TMC1: variants seen among roughly 807,000 people sequenced by gnomAD.
TMC1 encodes transmembrane channel-like protein 1.
Under a neutral mutation model 105.8 loss-of-function variants are expected in TMC1, and 84 were observed. The observed-to-expected ratio is 0.79, with a 90% confidence interval of 0.67 to 0.95. TMC1 has a LOEUF of 0.95. TMC1 is among the 40% of genes least tolerant of loss of function. The pLI, the probability that TMC1 is intolerant of heterozygous loss-of-function variation, is 0.00. For missense variants in TMC1, 817 were observed against 914.1 expected (o/e 0.89, Z 1.37); for synonymous variants, 315 against 311.5 (o/e 1.01, Z -0.12).
At chr9:72,832,563 C>T (rs1484185788) in intron 23 of TMC1, among the ~76,000 whole-genome samples, 1 of 152,184 alleles carries the variant, frequency 6.6e-6, no homozygotes, top group Non-Finnish European at 1.5e-5. Context: ...GTTTTCCTGA[C>T]ACATGTGAAA....
chr9:72,542,104 A>T (rs866239442), intron 1 of TMC1, among the ~76,000 whole-genome samples: 2 of 152,100 alleles, frequency 1.3e-5, no homozygotes, highest in Non-Finnish European at 2.9e-5. Flanking sequence ...TGGGTGGATC[A>T]CTTGAGGCCA....
At chr9:72,609,578 A>C (rs1824989044) in intron 2 of TMC1, among the ~76,000 whole-genome samples, 2 of 152,138 alleles carry the variant, frequency 1.3e-5, no homozygotes, top group Non-Finnish European at 2.9e-5. Flanking sequence ...CTGGCAATGC[A>C]GGACTTCCTT....
In TMC1 at chr9:72,821,168, TC is replaced by T. The variant is rs1828867021; in HGVS notation, c.2003+93del. On this transcript the variant is annotated intron_variant, in intron 20 of 23. Coordinates refer to ENST00000297784, the MANE Select transcript of TMC1 (RefSeq NM_138691.3). The stretch of plus-strand genomic sequence containing the variant: ...GTCATTCATTGTATAAGCTATTTTT[TC>T]CCCCCAAACAATGACATTTTTGGTT... 7 of 1,589,618 alleles carry T rather than the reference TC, an allele frequency of 4.4e-6. No homozygotes were observed. The South Asian group carries it at 5.5e-5, about 13-fold the overall frequency.
intron 18 of TMC1, among the ~76,000 whole-genome samples, chr9:72,814,491 C>T (rs186296158): frequency 1.8e-4 from 28 of 152,312 alleles, no homozygotes; most frequent in African/African-American, 5.3e-4. Context: ...GGCAAACTAA[C>T]GAAACACTTT....
At chr9:72,820,739 TTCTGC>T in intron 19 of TMC1, 98 bp from the exon 20 acceptor site, 10 of 1,453,876 alleles carry the variant, frequency 6.9e-6, no homozygotes, top group Non-Finnish European at 9.6e-6. Context: ...GCAGTGTATT[TTCTGC>T]CTTTGGAAAA....
intron 18 of TMC1, among the ~76,000 whole-genome samples, chr9:72,807,620 C>T (rs1828627014): frequency 6.6e-6 from 1 of 152,218 alleles, no homozygotes; most frequent in African/African-American, 2.4e-5. Flanking sequence ...ACTGCATATT[C>T]TATTTATGCC....
intron 8 of TMC1, among the ~76,000 whole-genome samples, chr9:72,706,754 C>A (rs1217145795): frequency 6.6e-6 from 1 of 151,278 alleles, no homozygotes; most frequent in African/African-American, 2.4e-5. Flanking sequence ...GCCAATATTT[C>A]TTTCTTTTTC....
At position 72,521,742 on chromosome 9, in the gene TMC1, C is replaced by CA. The variant is rs1184545238; in HGVS notation, c.-588dup. ...TGGGTGACAGAGCAAGACTCCGTCA[C>CA]AAAAAAAAAAAGAAAAAAGAAACAC... On this transcript the variant is annotated 5_prime_UTR_variant, in exon 1 of 24. The change creates a premature stop within an existing upstream ORF in the 5' untranslated region. Transcript: ENST00000297784. 356 of 136,610 alleles carry CA rather than the reference C, an allele frequency of 2.6e-3. 1 individual carries two copies. Among genetic ancestry groups the CA allele is most frequent in the African/African-American group, 4.1e-3 (152 of 37,242 alleles). 8.5% of individuals were successfully genotyped at this position (136,610 alleles called of 1,614,324 possible).
rs903656704 is a variant in TMC1, at chr9:72,651,110, A to G, written c.16+2446A>G. 2.7e-5 allele frequency: 4 copies of G among 148,036 alleles called. No individual in the cohort carries two copies. In the Admixed American group the frequency reaches 2.7e-4, roughly 10 times the overall value. The allele number at this position is 148,036 out of a possible 1,614,324, so 9.2% of individuals were successfully genotyped here. On this transcript the variant is annotated intron_variant, in intron 5 of 23. Transcript: ENST00000297784. ...ATATAGATATATATATCACATATAT[A>G]TAGCACATGTATCTATATCACATAT...
intron 9 of TMC1, 52 bp from the exon 10 acceptor site, chr9:72,742,392 C>G (rs527751053): frequency 6.9e-7 from 1 of 1,441,440 alleles, no homozygotes; most frequent in South Asian, 1.2e-5. Flanking sequence ...GGATAAACAT[C>G]TTGACAAATC....
chr9:72,713,049 T>G (rs1266741009), intron 8 of TMC1, among the ~76,000 whole-genome samples: 1 of 152,236 alleles, frequency 6.6e-6, no homozygotes, highest in Admixed American at 6.5e-5. Flanking sequence ...TTTTTGTGAT[T>G]GGTTCTGTTT....
At chr9:72,694,828 T>A in intron 7 of TMC1, 114 bp downstream of exon 7, 1 of 952,618 alleles carries the variant, frequency 1.0e-6, no homozygotes, top group Non-Finnish European at 1.6e-6. Context: ...AAGAGAGCCT[T>A]AATCTGATGA....
intron 8 of TMC1, among the ~76,000 whole-genome samples, chr9:72,706,571 C>G (rs112780779): frequency 1.3e-5 from 2 of 152,182 alleles, no homozygotes; most frequent in African/African-American, 4.8e-5. Flanking sequence ...ATCCCTCATC[C>G]CAATCCCACC....
At chr9:72,741,428 C>G (rs1237223374) in intron 9 of TMC1, 1 of 428,924 alleles carries the variant, frequency 2.3e-6, no homozygotes, top group Non-Finnish European at 4.4e-6. Context: ...GAGTAGACTC[C>G]TTTTGAATGT....
intron 3 of TMC1, 114 bp from the exon 4 acceptor site, chr9:72,627,807 T>A (rs1482177958): frequency 1.8e-5 from 6 of 328,758 alleles, no homozygotes; most frequent in Non-Finnish European, 6.0e-6. Flanking sequence ...ACCTTGTAAA[T>A]ACCATCATAG....
chr9:72,802,487 T>G (rs1828492909), intron 17 of TMC1, among the ~76,000 whole-genome samples: 1 of 152,098 alleles, frequency 6.6e-6, no homozygotes, highest in Admixed American at 6.5e-5. Flanking sequence ...ACAAACAGTA[T>G]CTCAGACAAC....
At chr9:72,727,769 CT>C (rs768607441) in intron 8 of TMC1, among the ~76,000 whole-genome samples, 6 of 152,072 alleles carry the variant, frequency 3.9e-5, no homozygotes, top group Non-Finnish European at 8.8e-5. Context: ...GCTGGGATGC[CT>C]TAGTGATATG....
At chr9:72,579,645 A>G (rs1179732034) in intron 2 of TMC1, among the ~76,000 whole-genome samples, 1 of 152,210 alleles carries the variant, frequency 6.6e-6, no homozygotes, top group African/African-American at 2.4e-5. Flanking sequence ...TGAAGTTGCT[A>G]CTACGTCCCA....
intron 18 of TMC1, among the ~76,000 whole-genome samples, chr9:72,806,353 A>AC (rs1211509432): frequency 1.1e-4 from 13 of 118,572 alleles, no homozygotes; most frequent in South Asian, 9.0e-4. Context: ...TGGGGGGCTG[A>AC]CCCCCCCACC....
Sources: allele counts gnomAD v4.1 joint callset (sites outside exome capture counted in the v4.1 genomes callset), GRCh38; gene constraint gnomAD v4.1.1; transcripts MANE v1.5; gene names NCBI Gene and HGNC (gene_info 2026-07-23, HGNC 2026-07-21).